OSBPL10: variants seen among roughly 807,000 people sequenced by gnomAD.
OSBPL10 encodes oxysterol-binding protein-related protein 10.
A neutral mutation model predicts 81.7 loss-of-function variants in OSBPL10; 49 were observed. That is an observed-to-expected ratio of 0.60 (90% confidence interval 0.48 to 0.76). OSBPL10 has a LOEUF of 0.76. Among genes scored for constraint, OSBPL10 ranks in the 30% least tolerant of loss-of-function variants. OSBPL10 has a pLI of 0.00. For synonymous variants in OSBPL10, 419 were observed against 383.6 expected (o/e 1.09, Z -1.08); for missense variants, 923 against 987.8 (o/e 0.93, Z 0.88).
chr3:32,049,321 C>T (rs4411919), intron 1 of OSBPL10, among the ~76,000 whole-genome samples: 101,109 of 151,988 alleles, frequency 0.67, 36,141 homozygotes, highest in South Asian at 0.84. Flanking sequence ...TAACATCTTG[C>T]TGGCAACCAT....
intron 4 of OSBPL10, among the ~76,000 whole-genome samples, chr3:31,798,893 A>C (rs1559470294): frequency 6.6e-6 from 1 of 152,232 alleles, no homozygotes; most frequent in Non-Finnish European, 1.5e-5. Context: ...AAGACAATTA[A>C]GGAGCATGCA....
At chr3:32,016,685 T>G (rs1310107906) in intron 2 of OSBPL10, among the ~76,000 whole-genome samples, 1 of 152,210 alleles carries the variant, frequency 6.6e-6, no homozygotes, top group Non-Finnish European at 1.5e-5. Flanking sequence ...GAATAGGTTG[T>G]CAAAAAGCTA....
At chr3:31,709,058 T>C (rs967599774) in intron 6 of OSBPL10, 1 of 984,700 alleles carries the variant, frequency 1.0e-6, no homozygotes, top group African/African-American at 1.7e-5. Flanking sequence ...TCTTGCCATT[T>C]GGAGGTAGAT....
chr3:31,687,227 T>C (rs975759011), intron 7 of OSBPL10, among the ~76,000 whole-genome samples: 4 of 152,168 alleles, frequency 2.6e-5, no homozygotes, highest in Admixed American at 2.0e-4. Flanking sequence ...GGGTATAACT[T>C]CAAACAAAGA....
intron 6 of OSBPL10, among the ~76,000 whole-genome samples, chr3:31,716,192 T>C (rs757321433): frequency 2.0e-5 from 3 of 152,160 alleles, no homozygotes; most frequent in Non-Finnish European, 4.4e-5. Context: ...TTTGTTTGGT[T>C]TGGGGTTTGT....
At chr3:31,810,582 A>C (rs1178576064) in intron 4 of OSBPL10, among the ~76,000 whole-genome samples, 2 of 152,170 alleles carry the variant, frequency 1.3e-5, no homozygotes, top group Non-Finnish European at 2.9e-5. Flanking sequence ...ATACATATAT[A>C]TAAAACTCCT....
chr3:31,940,509 T>C (rs1234326505), intron 1 of OSBPL10, among the ~76,000 whole-genome samples: 1 of 152,180 alleles, frequency 6.6e-6, no homozygotes, highest in East Asian at 1.9e-4. Flanking sequence ...ATGTATAAAA[T>C]TGCCACCTCA....
At position 31,883,234 on chromosome 3, in the gene OSBPL10, C is replaced by T. The variant is rs79978532; in HGVS notation, c.282-3404G>A. On this transcript the variant is annotated intron_variant, in intron 1 of 11. Coordinates refer to ENST00000396556, the MANE Select transcript of OSBPL10 (RefSeq NM_017784.5). ...GCACTGCAGCATCCCCTTTGACAAG[C>T]ATGCCACTCTTTTTTTTTTTTTTGA... Among the ~76,000 whole-genome samples the T allele has an allele frequency of 9.9e-5, 13 of 131,148 alleles. No individual in the cohort carries two copies. The East Asian group carries it at 2.9e-3, about 29-fold the overall frequency. The allele number at this position is 131,148 out of a possible 152,430, so 86.0% of individuals were successfully genotyped here.
chr3:31,994,190 G>A (rs1699064493), intron 2 of OSBPL10, among the ~76,000 whole-genome samples: 1 of 152,212 alleles, frequency 6.6e-6, no homozygotes, highest in Non-Finnish European at 1.5e-5. Flanking sequence ...TATAGGAACA[G>A]AGTTGAGAGT....
rs149757216 is a variant in OSBPL10, at chr3:31,802,129, C to A, written c.729+27911G>T. ...CGAGCCACTGCACCCAGTCCGCCCG[C>A]CTCGGCCTCCCAAAATGCTGGAATT... On this transcript the variant is annotated intron_variant, in intron 4 of 11. Transcript: ENST00000396556. Among the ~76,000 whole-genome samples the A allele has an allele frequency of 2.0e-5, 3 of 149,068 alleles. No homozygotes were observed. The Admixed American group carries it at 2.1e-4, about 10-fold the overall frequency.
chr3:31,970,331 G>A (rs547510218), intron 1 of OSBPL10, among the ~76,000 whole-genome samples: 1 of 152,252 alleles, frequency 6.6e-6, no homozygotes, highest in Non-Finnish European at 1.5e-5. Flanking sequence ...CTGTCTCCAT[G>A]GCCTTCATCC....
intron 9 of OSBPL10, 113 bp from the exon 10 acceptor site, chr3:31,668,937 A>T: frequency 1.0e-6 from 1 of 957,594 alleles, no homozygotes; most frequent in Non-Finnish European, 1.5e-6. Flanking sequence ...GGAAGGAGGG[A>T]TTGTTTTTGC....
rs574676205 is a variant in OSBPL10 at position 31,693,911 on chromosome 3, G to A, written c.1245+8448C>T. On this transcript the variant is annotated intron_variant, in intron 7 of 11. Coordinates refer to ENST00000396556, the MANE Select transcript of OSBPL10 (RefSeq NM_017784.5). ...GCCTCCCCAGTAGCTGGGAACATAGGTGTGTGTTACCACACCTGGCTAATT... is the reference window on the plus strand; with the variant it reads ...GCCTCCCCAGTAGCTGGGAACATAGATGTGTGTTACCACACCTGGCTAATT... 2.0e-5 allele frequency among the ~76,000 whole-genome samples: 3 copies of A among 152,232 alleles called. No homozygotes were observed. The East Asian group carries it at 5.8e-4, about 29-fold the overall frequency.
chr3:31,821,105 C>A (rs1376563839), intron 4 of OSBPL10, among the ~76,000 whole-genome samples: 1 of 152,108 alleles, frequency 6.6e-6, no homozygotes, highest in Non-Finnish European at 1.5e-5. Context: ...CTACCTCCCC[C>A]ACCCCACCCA....
rs751713932 is a variant in OSBPL10, at chr3:31,683,851, A to G, written c.1509T>C (p.Thr503=). The change falls in exon 8 of 12, where the codon ACT becomes ACC. Residue 503 remains threonine, a synonymous_variant. Transcript: ENST00000396556. ...GACAGCTGGCAGGAGAGCGGGAAGC[A>G]GTCCTCTTAGGCTTGACCCTGTCCT... ...VPKDRVKPKR[T]ASRSPASCHE... is the part of the protein sequence containing the mutation. 1 of 1,614,228 alleles carries G rather than the reference A, an allele frequency of 6.2e-7. No homozygotes were observed. Among genetic ancestry groups the G allele is most frequent in the Non-Finnish European group, 8.5e-7 (1 of 1,180,044 alleles).
rs923438164 is a variant in OSBPL10, at chr3:31,747,490, A to C, written c.940+420T>G. 5.5e-3 allele frequency among the ~76,000 whole-genome samples: 772 copies of C among 141,390 alleles called. 2 individuals carry two copies. The highest frequency in any genetic ancestry group is 0.024 in the Middle Eastern group (7 of 292). The allele number at this position is 141,390 out of a possible 152,430, so 92.8% of individuals were successfully genotyped here. ...TGGAATGAAATGAATCTTCAAATAA[A>C]AAAAAAAAAAAAAAAAAAAACACAG... On this transcript the variant is annotated intron_variant, in intron 5 of 11. Coordinates refer to ENST00000396556, the MANE Select transcript of OSBPL10 (RefSeq NM_017784.5).
chr3:31,975,943 A>C (rs552291132), intron 1 of OSBPL10, among the ~76,000 whole-genome samples: 21 of 152,250 alleles, frequency 1.4e-4, no homozygotes, highest in Non-Finnish European at 2.2e-4. Context: ...AGACCAAAAA[A>C]AGTAAAATAT....
intron 4 of OSBPL10, among the ~76,000 whole-genome samples, chr3:31,814,065 A>G (rs1309785550): frequency 2.0e-5 from 3 of 152,092 alleles, no homozygotes; most frequent in Non-Finnish European, 2.9e-5. Flanking sequence ...CTCTCCTCCT[A>G]GGGCAAACGT....
chr3:31,773,454 ATT>A (rs1247098391), intron 4 of OSBPL10, among the ~76,000 whole-genome samples: 1 of 152,184 alleles, frequency 6.6e-6, no homozygotes, highest in East Asian at 1.9e-4. Context: ...TGAGGAATGA[ATT>A]TGTTAATAAA....
Sources: allele counts gnomAD v4.1 joint callset (sites outside exome capture counted in the v4.1 genomes callset), GRCh38; gene constraint gnomAD v4.1.1; transcripts MANE v1.5; gene names NCBI Gene and HGNC (gene_info 2026-07-23, HGNC 2026-07-21).